Variants in ARNT2 observed in about 807,000 individuals in gnomAD.
ARNT2 encodes ARNT protein 2.
In ARNT2, 36 loss-of-function variants were observed where a neutral mutation model predicts 91.7. That is an observed-to-expected ratio of 0.39 (90% confidence interval 0.30 to 0.52). The LOEUF (loss-of-function observed/expected upper bound fraction) is 0.52. ARNT2 is among the 20% of genes least tolerant of loss of function. The pLI is 0.72. For missense variants in ARNT2, 775 were observed against 939.3 expected, an observed-to-expected ratio of 0.83 and a Z score of 2.29; for synonymous variants, 365 against 347.1, an observed-to-expected ratio of 1.05 and a Z score of -0.57.
intron 8 of ARNT2, among the ~76,000 whole-genome samples, chr15:80,535,902 T>C (rs1405461010): frequency 5.3e-5 from 8 of 152,206 alleles, no homozygotes. Context: ...GTTGTTTTGT[T>C]TGTTGTTTGT....
At chr15:80,433,918 C>T (rs979848879) in intron 1 of ARNT2, 2 of 152,208 alleles carry the variant, frequency 1.3e-5, no homozygotes, top group Non-Finnish European at 2.9e-5. Flanking sequence ...TCAGCAAGGC[C>T]TGTCTGTTTA....
intron 8 of ARNT2, among the ~76,000 whole-genome samples, chr15:80,538,678 G>T (rs1206293034): frequency 6.6e-6 from 1 of 151,808 alleles, no homozygotes; most frequent in Non-Finnish European, 1.5e-5. Context: ...ATTAACTAAT[G>T]AAAATAGAAA....
At chr15:80,505,748 T>C (rs28615731) in intron 5 of ARNT2, among the ~76,000 whole-genome samples, 7,970 of 152,088 alleles carry the variant, frequency 0.052, 493 homozygotes, top group African/African-American at 0.15. Flanking sequence ...GTAGTGGTGG[T>C]GCCAATGACA....
chr15:80,491,978 A>G (rs1294981568), intron 5 of ARNT2, among the ~76,000 whole-genome samples: 1 of 151,990 alleles, frequency 6.6e-6, no homozygotes, highest in African/African-American at 2.4e-5. Context: ...ATATCTACAC[A>G]GGTGTACGTC....
intron 5 of ARNT2, among the ~76,000 whole-genome samples, chr15:80,500,791 A>C (rs545074268): frequency 3.3e-5 from 5 of 152,226 alleles, no homozygotes; most frequent in Non-Finnish European, 7.3e-5. Context: ...CAGCTCTGCC[A>C]TGGTGTATGA....
Position 80,574,133 on chromosome 15 carries a change from C to T in ARNT2, c.1317-15C>T. ...TCTGTTCTTCATGACCCTCTGTTGT[C>T]TTCTTGTTTCACAGGCAACTTCAGC... On this transcript the variant is annotated splice_polypyrimidine_tract_variant and intron_variant, in intron 12 of 18. Coordinates refer to ENST00000303329, the MANE Select transcript of ARNT2 (RefSeq NM_014862.4). The T allele has an allele frequency of 6.2e-7, 1 of 1,613,518 alleles. No homozygotes were observed. The highest frequency in any genetic ancestry group is 8.5e-7 in the Non-Finnish European group (1 of 1,179,412).
intron 5 of ARNT2, among the ~76,000 whole-genome samples, chr15:80,498,049 G>C (rs1444591222): frequency 1.3e-5 from 2 of 152,192 alleles, no homozygotes; most frequent in African/African-American, 2.4e-5. Flanking sequence ...ATGAGGTACA[G>C]CCAGCTGCAC....
At chr15:80,422,748 T>C (rs1895877655) in intron 1 of ARNT2, among the ~76,000 whole-genome samples, 1 of 132,200 alleles carries the variant, frequency 7.6e-6, no homozygotes, top group South Asian at 2.5e-4. Flanking sequence ...GTAAGTATAA[T>C]AATATTTCTA....
intron 17 of ARNT2, among the ~76,000 whole-genome samples, chr15:80,584,195 G>A (rs1368259958): frequency 6.6e-6 from 1 of 152,154 alleles, no homozygotes; most frequent in Non-Finnish European, 1.5e-5. Context: ...CGTCTGTGAT[G>A]AGTACACTGC....
chr15:80,568,190 C>T (rs1282328448), intron 12 of ARNT2, among the ~76,000 whole-genome samples: 1 of 152,236 alleles, frequency 6.6e-6, no homozygotes, highest in African/African-American at 2.4e-5. Flanking sequence ...GTGCTGGTCA[C>T]ACAGCACAAC....
chr15:80,592,611 CACAG>C (rs1893300457), intron 18 of ARNT2, among the ~76,000 whole-genome samples: 1 of 152,234 alleles, frequency 6.6e-6, no homozygotes, highest in African/African-American at 2.4e-5. Flanking sequence ...GCTGTGTCTT[CACAG>C]ACAAAGGCCT....
intron 8 of ARNT2, among the ~76,000 whole-genome samples, chr15:80,533,482 A>G (rs1193260705): frequency 6.6e-6 from 1 of 152,116 alleles, no homozygotes; most frequent in Non-Finnish European, 1.5e-5. Context: ...AAGTTGGAGT[A>G]ATGGTGTAGC....
rs563190564 is a variant in ARNT2 at position 80,560,772 on chromosome 15, G to A, written c.1165-2316G>A. Among the ~76,000 whole-genome samples, 44 of 152,312 alleles carry A rather than the reference G, an allele frequency of 2.9e-4. 2 individuals are homozygous for A. Among genetic ancestry groups the A allele is most frequent in the Admixed American group, 2.8e-3 (43 of 15,298 alleles). ...CATGGCCTTGACCTCCAGCCCCAAG[G>A]GGAAACAGCCAGGTTGCTGTTGGGG... On this transcript the variant is annotated intron_variant, in intron 11 of 18. Transcript: ENST00000303329.
chr15:80,487,494 G>C (rs1414476195), intron 5 of ARNT2, among the ~76,000 whole-genome samples: 1 of 152,208 alleles, frequency 6.6e-6, no homozygotes, highest in Non-Finnish European at 1.5e-5. Context: ...GCACATCCAG[G>C]AGTTGAGAAG....
In ARNT2 at chr15:80,576,847, C is replaced by G. The variant is rs548733252; in HGVS notation, c.1514-19C>G. On this transcript the variant is annotated intron_variant, in intron 14 of 18. Transcript: ENST00000303329. ...GAGCAGGGAACCTTCGCATGTGACT[C>G]CTGCTCTGGTTTTCCTAGCGGAGAA... 1 of 1,613,776 alleles carries G rather than the reference C, an allele frequency of 6.2e-7. No individual in the cohort carries two copies. Among genetic ancestry groups the G allele is most frequent in the Admixed American group, 1.7e-5 (1 of 60,022 alleles).
rs1893402507 is a variant in ARNT2 at position 80,597,880 on chromosome 15, A to G, written c.*4182A>G. On this transcript the variant is annotated 3_prime_UTR_variant, in exon 19 of 19. Coordinates refer to ENST00000303329, the MANE Select transcript of ARNT2 (RefSeq NM_014862.4). ...AGTCGGTTGTGTATATGTGTAACTAATGTAACTGCCTTTTAAAATTTCATT... is the reference window on the plus strand; with the variant it reads ...AGTCGGTTGTGTATATGTGTAACTAGTGTAACTGCCTTTTAAAATTTCATT... 6.5e-6 allele frequency: 1 copy of G among 152,718 alleles called. No homozygotes were observed. The highest frequency in any genetic ancestry group is 2.4e-5 in the African/African-American group (1 of 41,462). The allele number at this position is 152,718 out of a possible 1,614,324, so 9.5% of individuals were successfully genotyped here. A position where few individuals can be genotyped will look rare whatever the true frequency, so the allele number is the denominator to read the frequency against.
intron 2 of ARNT2, among the ~76,000 whole-genome samples, chr15:80,456,633 C>T (rs1398736824): frequency 6.6e-6 from 1 of 152,202 alleles, no homozygotes; most frequent in Non-Finnish European, 1.5e-5. Context: ...TTGTTGGGAG[C>T]TTCTTGGGTG....
intron 8 of ARNT2, among the ~76,000 whole-genome samples, chr15:80,533,815 C>G (rs1015303693): frequency 6.6e-6 from 1 of 152,238 alleles, no homozygotes; most frequent in Non-Finnish European, 1.5e-5. Flanking sequence ...TGGGCAGAAG[C>G]CTGGGGGCCT....
At chr15:80,470,606 G>T (rs1310978027) in intron 4 of ARNT2, among the ~76,000 whole-genome samples, 175 bp downstream of exon 4, 3 of 152,160 alleles carry the variant, frequency 2.0e-5, no homozygotes, top group Admixed American at 6.5e-5. Context: ...CTGATCTTTG[G>T]GTCTTCTGCT....
Sources: gnomAD v4.1 joint callset for allele counts (sites outside exome capture counted in the v4.1 genomes callset) on GRCh38, gnomAD v4.1.1 for gene constraint, MANE v1.5 for transcripts, NCBI Gene and HGNC (gene_info 2026-07-23, HGNC 2026-07-21) for gene names.